PARP4: variants seen among roughly 807,000 people sequenced by gnomAD.
The protein encoded by PARP4 is poly(ADP-ribose) polymerase family member 4, also known as protein mono-ADP-ribosyltransferase PARP4.
PARP4 carries 120 observed loss-of-function variants against 187.7 expected under a neutral mutation model. That is an observed-to-expected ratio of 0.64 (90% CI 0.55 to 0.74). PARP4 has a LOEUF of 0.74. Among genes scored for constraint, PARP4 ranks in the 30% least tolerant of loss-of-function variants. PARP4 has a pLI of 0.00. For missense variants in PARP4, 1,836 were observed against 2,070.5 expected (o/e 0.89, Z 2.20); for synonymous variants, 654 against 740.9 (o/e 0.88, Z 1.90).
intron 24 of PARP4, among the ~76,000 whole-genome samples, chr13:24,451,524 G>T (rs1265119124): frequency 1.3e-5 from 2 of 152,146 alleles, no homozygotes; most frequent in African/African-American, 4.8e-5. Context: ...GAGGGGCATT[G>T]GGGGTGCTGG....
chr13:24,432,611 G>A (rs988356119), intron 31 of PARP4, among the ~76,000 whole-genome samples: 2 of 152,064 alleles, frequency 1.3e-5, no homozygotes, highest in Non-Finnish European at 1.5e-5. Flanking sequence ...ATACCACATC[G>A]GATTGTCAAT....
intron 30 of PARP4, among the ~76,000 whole-genome samples, chr13:24,435,932 AAAAAG>A (rs1565989615): frequency 3.6e-5 from 2 of 56,310 alleles, no homozygotes; most frequent in African/African-American, 8.2e-5. Flanking sequence ...AAAAAAAAAA[AAAAAG>A]AAAGAAAGAA....
At chr13:24,502,995 G>A (rs562928378) in intron 2 of PARP4, among the ~76,000 whole-genome samples, 1 of 152,332 alleles carries the variant, frequency 6.6e-6, no homozygotes, top group Admixed American at 6.5e-5. Context: ...GAGGACAGGG[G>A]CAGGCCAGCC....
chr13:24,432,813 GA>G (rs1206865042), intron 31 of PARP4, among the ~76,000 whole-genome samples: 2 of 152,180 alleles, frequency 1.3e-5, no homozygotes, highest in African/African-American at 2.4e-5. Context: ...ATGCACAGGA[GA>G]ATGTGCTAAG....
chr13:24,502,366 T>A (rs1025318378), intron 2 of PARP4, among the ~76,000 whole-genome samples: 23 of 152,186 alleles, frequency 1.5e-4, no homozygotes, highest in African/African-American at 5.5e-4. Flanking sequence ...AATAGTAAAT[T>A]CACATTGTAG....
intron 20 of PARP4, among the ~76,000 whole-genome samples, chr13:24,458,171 G>A (rs1480200284): frequency 2.0e-5 from 3 of 150,408 alleles, no homozygotes; most frequent in African/African-American, 7.4e-5. Flanking sequence ...GTGCAGTGGC[G>A]CAATCTCAGC....
Position 24,426,591 on chromosome 13 carries a change from T to G in PARP4, c.4854A>C (p.Lys1618Asn), listed in dbSNP as rs1296013969. ...KQKGIQSLGV[K>N]GRECLLDLIA... ...TTAGGTCCAGGAGACATTCTCTTCC[T>G]TTTACACCTAAAAGGAAAAAAACTC... Residue 1618 changes from lysine (K) to asparagine (N), a missense_variant, in exon 33 of 34, where the codon AAA becomes AAC. This residue lies in a region of PARP4 where 45 missense variants were observed against 53.1 expected (regional missense o/e 0.85). Coordinates refer to ENST00000381989, the MANE Select transcript of PARP4 (RefSeq NM_006437.4). 1.9e-6 allele frequency: 3 copies of G among 1,611,172 alleles called. No homozygotes were observed. The Admixed American group carries it at 5.0e-5, about 27-fold the overall frequency.
intron 24 of PARP4, among the ~76,000 whole-genome samples, chr13:24,450,078 TGAGG>T (rs758433645): frequency 7.3e-5 from 11 of 150,910 alleles, no homozygotes; most frequent in Non-Finnish European, 1.5e-4. Flanking sequence ...TTTCAGTTCC[TGAGG>T]GAGGGAGTAG....
At chr13:24,429,734 G>A (rs755409428) in intron 32 of PARP4, among the ~76,000 whole-genome samples, 8 of 152,140 alleles carry the variant, frequency 5.3e-5, no homozygotes, top group Non-Finnish European at 1.0e-4. Flanking sequence ...ATTCCTTGAG[G>A]TTGCACCTGT....
In PARP4 at chr13:24,454,006, T is replaced by C. The variant is rs189085914; in HGVS notation, c.2759-352A>G. 4.0e-5 allele frequency among the ~76,000 whole-genome samples: 6 copies of C among 149,196 alleles called. No individual in the cohort carries two copies. In the East Asian group the frequency reaches 8.0e-4, roughly 20 times the overall value. On this transcript the variant is annotated intron_variant, in intron 22 of 33. Transcript: ENST00000381989. ...TGGTGAGCACTGTAATCTCAGCCAC[T>C]GGGGAGGCTAAGGCCGGGAGGCAGA...
intron 25 of PARP4, among the ~76,000 whole-genome samples, chr13:24,449,257 T>A (rs575697502): frequency 2.0e-5 from 3 of 151,882 alleles, no homozygotes; most frequent in Non-Finnish European, 2.9e-5. Flanking sequence ...GCATGGTGGC[T>A]GGTGCCTGTA....
At chr13:24,423,539 AAT>A (rs1869860394) in intron 33 of PARP4, among the ~76,000 whole-genome samples, 1 of 152,028 alleles carries the variant, frequency 6.6e-6, no homozygotes, top group African/African-American at 2.4e-5. Context: ...TCAAAAAATA[AAT>A]AAATAAATAA....
chr13:24,438,577 C>T (rs1314229554), intron 30 of PARP4, among the ~76,000 whole-genome samples: 3 of 152,274 alleles, frequency 2.0e-5, no homozygotes, highest in East Asian at 1.9e-4. Flanking sequence ...CTCTGCCTCT[C>T]GCTTGTTCTC....
intron 15 of PARP4, among the ~76,000 whole-genome samples, chr13:24,474,397 C>T (rs1161522872): frequency 2.5e-5 from 3 of 120,584 alleles, no homozygotes; most frequent in Non-Finnish European, 5.7e-5. Flanking sequence ...ACCTGTGGGG[C>T]GCCTCCCCAG....
chr13:24,497,195 G>A (rs948013459), intron 6 of PARP4, among the ~76,000 whole-genome samples: 6 of 143,314 alleles, frequency 4.2e-5, no homozygotes, highest in African/African-American at 1.2e-4. Flanking sequence ...TACTGACCTA[G>A]GGCAAAGGTA....
chr13:24,497,055 T>TA (rs1327907984), intron 6 of PARP4, among the ~76,000 whole-genome samples: 1 of 152,018 alleles, frequency 6.6e-6, no homozygotes, highest in Admixed American at 6.6e-5. Flanking sequence ...GATAGATCTG[T>TA]AACTCTGAAT....
At chr13:24,435,791 CTG>C (rs1181992681) in intron 30 of PARP4, among the ~76,000 whole-genome samples, 1 of 151,924 alleles carries the variant, frequency 6.6e-6, no homozygotes, top group Non-Finnish European at 1.5e-5. Context: ...TGGCTCATGA[CTG>C]TAGTCCCAGC....
intron 6 of PARP4, among the ~76,000 whole-genome samples, chr13:24,495,021 G>A (rs1868870328): frequency 6.6e-6 from 1 of 152,006 alleles, no homozygotes; most frequent in Non-Finnish European, 1.5e-5. Context: ...ACAGGCATGT[G>A]CCACCACACC....
Position 24,501,744 on chromosome 13 carries a change from C to A in PARP4, c.223G>T (p.Asp75Tyr). The A allele has an allele frequency of 5.0e-6, 8 of 1,612,166 alleles. No individual in the cohort carries two copies. The highest frequency in any genetic ancestry group is 6.8e-6 in the Non-Finnish European group (8 of 1,178,326). ...TCCCTGATAGATTTCCATATAAAAT[C>A]TGGGTTTGCAATATGAACGTGGTTC... ...QKNHVHIANP[D>Y]FIWKSIREKR... The change falls in exon 3 of 34, where the codon GAT becomes TAT. Residue 75 changes from aspartate (D) to tyrosine (Y), a missense_variant. Around this residue, in one of 8 missense-constraint regions of PARP4, gnomAD observed 1,147 missense variants for 1,214.2 expected, o/e 0.94. Coordinates refer to ENST00000381989, the MANE Select transcript of PARP4 (RefSeq NM_006437.4).
Sources: allele counts gnomAD v4.1 joint callset (sites outside exome capture counted in the v4.1 genomes callset), GRCh38; gene constraint gnomAD v4.1.1; regional missense constraint gnomAD v4.1.1; transcripts MANE v1.5; gene names NCBI Gene and HGNC (gene_info 2026-07-23, HGNC 2026-07-21).